Variants in MAP7 observed in about 807,000 individuals in gnomAD.
The protein encoded by MAP7 is microtubule associated protein 7, also known as ensconsin.
A neutral mutation model predicts 94.8 loss-of-function variants in MAP7; 52 were observed. The observed-to-expected ratio is 0.55, with a 90% CI of 0.44 to 0.69. The LOEUF is 0.69. MAP7 is among the 30% of genes least tolerant of loss of function. The pLI, the probability that MAP7 is intolerant of heterozygous loss-of-function variation, is 0.00. For missense variants in MAP7, 940 were observed against 964.6 expected (o/e 0.97, Z 0.34); for synonymous variants, 350 against 357.0 (o/e 0.98, Z 0.22).
intron 1 of MAP7, among the ~76,000 whole-genome samples, chr6:136,448,025 A>G (rs564972691): frequency 6.6e-6 from 1 of 152,042 alleles, no homozygotes; most frequent in East Asian, 1.9e-4. Context: ...CCCCATCTCT[A>G]CTAAAAATAC....
At chr6:136,392,629 G>A (rs1012374756) in intron 3 of MAP7, among the ~76,000 whole-genome samples, 3 of 152,074 alleles carry the variant, frequency 2.0e-5, no homozygotes, top group Admixed American at 1.3e-4. Context: ...CTATGTAGAT[G>A]TGTGAGCATG....
At chr6:136,515,690 T>A (rs1375236489) in intron 1 of MAP7, among the ~76,000 whole-genome samples, 4 of 152,206 alleles carry the variant, frequency 2.6e-5, no homozygotes, top group Admixed American at 6.5e-5. Flanking sequence ...ATTTGTTAAG[T>A]TTGCTATCTT....
At chr6:136,392,945 G>T (rs1272551959) in intron 3 of MAP7, among the ~76,000 whole-genome samples, 2 of 152,074 alleles carry the variant, frequency 1.3e-5, no homozygotes, top group Non-Finnish European at 2.9e-5. Context: ...GCCAACAAGA[G>T]AAAATAAGAA....
intron 6 of MAP7, 98 bp from the exon 7 acceptor site, chr6:136,377,966 AC>A: frequency 3.7e-6 from 3 of 811,150 alleles, no homozygotes; most frequent in Non-Finnish European, 6.1e-6. Context: ...CTGGGCCTTC[AC>A]AGGACCAGGC....
intron 1 of MAP7, among the ~76,000 whole-genome samples, chr6:136,519,321 T>G (rs1443378889): frequency 6.6e-6 from 1 of 152,182 alleles, no homozygotes; most frequent in Non-Finnish European, 1.5e-5. Context: ...CATTTTTGCC[T>G]CCCTAGCTGT....
chr6:136,487,151 A>G (rs985731922), intron 1 of MAP7, among the ~76,000 whole-genome samples: 1 of 152,212 alleles, frequency 6.6e-6, no homozygotes, highest in Non-Finnish European at 1.5e-5. Context: ...GTGGAAAAGT[A>G]TGTTTGAATC....
chr6:136,535,064 G>T (rs533858692), intron 1 of MAP7, among the ~76,000 whole-genome samples: 3 of 152,260 alleles, frequency 2.0e-5, no homozygotes, highest in African/African-American at 7.2e-5. Context: ...TTGGATGCTT[G>T]TCTCCTCCAA....
chr6:136,425,254 A>C (rs1291656954), intron 1 of MAP7, among the ~76,000 whole-genome samples: 2 of 152,226 alleles, frequency 1.3e-5, no homozygotes, highest in Non-Finnish European at 2.9e-5. Flanking sequence ...ACTACAACTG[A>C]CCGTAACTGA....
intron 2 of MAP7, among the ~76,000 whole-genome samples, chr6:136,416,227 C>A (rs9373164): frequency 0.054 from 8,159 of 152,266 alleles, 484 homozygotes; most frequent in African/African-American, 0.14. Flanking sequence ...CCTTAGCTAA[C>A]CCTCAGAGCC....
At chr6:136,542,079 A>C (rs1334728957) in intron 1 of MAP7, among the ~76,000 whole-genome samples, 1 of 152,208 alleles carries the variant, frequency 6.6e-6, no homozygotes, top group Non-Finnish European at 1.5e-5. Flanking sequence ...TTTAAAAAAA[A>C]TTTCAAAGTG....
intron 3 of MAP7, among the ~76,000 whole-genome samples, chr6:136,394,955 T>C (rs1231917888): frequency 8.0e-6 from 1 of 125,228 alleles, no homozygotes; most frequent in African/African-American, 2.9e-5. Context: ...TATATATATA[T>C]ATATATATAT....
At chr6:136,415,159 G>A (rs929322183) in intron 2 of MAP7, among the ~76,000 whole-genome samples, 1 of 151,766 alleles carries the variant, frequency 6.6e-6, no homozygotes, top group African/African-American at 2.4e-5. Flanking sequence ...ATGTTGCTAA[G>A]CCTGGTCTTG....
At chr6:136,421,471 T>C (rs193196640) in intron 2 of MAP7, among the ~76,000 whole-genome samples, 12 of 152,334 alleles carry the variant, frequency 7.9e-5, no homozygotes, top group African/African-American at 2.4e-4. Flanking sequence ...TGTTTGAATC[T>C]ACATTTTAAA....
chr6:136,391,256 A>G (rs905755986), intron 3 of MAP7, among the ~76,000 whole-genome samples: 1 of 151,038 alleles, frequency 6.6e-6, no homozygotes, highest in African/African-American at 2.4e-5. Flanking sequence ...TTGTAGGGAC[A>G]TGGATGAAAC....
intron 8 of MAP7, among the ~76,000 whole-genome samples, chr6:136,369,390 A>C (rs537178504): frequency 3.9e-5 from 6 of 152,196 alleles, no homozygotes; most frequent in Non-Finnish European, 5.9e-5. Flanking sequence ...CCTGGCCTAC[A>C]TGGCGAAACC....
chr6:136,516,067 C>T (rs551961154), intron 1 of MAP7, among the ~76,000 whole-genome samples: 8 of 152,208 alleles, frequency 5.3e-5, no homozygotes, highest in East Asian at 1.9e-4. Context: ...AGACAATAAA[C>T]GACTCAGCAA....
intron 1 of MAP7, among the ~76,000 whole-genome samples, chr6:136,518,196 T>C (rs1414279487): frequency 6.6e-6 from 1 of 152,212 alleles, no homozygotes; most frequent in Non-Finnish European, 1.5e-5. Flanking sequence ...AACTTTAATT[T>C]AGAATGAATC....
chr6:136,447,222 C>T (rs1433920421), intron 1 of MAP7, among the ~76,000 whole-genome samples: 2 of 152,312 alleles, frequency 1.3e-5, no homozygotes, highest in Non-Finnish European at 2.9e-5. Context: ...CTGAACACTA[C>T]AGAGAAATTA....
chr6:136,397,535 C>A (rs1358796175), intron 3 of MAP7, among the ~76,000 whole-genome samples: 4 of 124,070 alleles, frequency 3.2e-5, no homozygotes, highest in Non-Finnish European at 6.3e-5. Context: ...TATGCTGAAG[C>A]CCTAACCCCC....
Sources: allele counts gnomAD v4.1 joint callset (sites outside exome capture counted in the v4.1 genomes callset), GRCh38; gene constraint gnomAD v4.1.1; transcripts MANE v1.5; gene names NCBI Gene and HGNC (gene_info 2026-07-23, HGNC 2026-07-21).